TRPM8: variants seen among roughly 807,000 people sequenced by gnomAD.
The protein encoded by TRPM8 is transient receptor potential cation channel subfamily M member 8.
Under a neutral mutation model 133.7 loss-of-function variants are expected in TRPM8, and 110 were observed. The ratio of observed to expected loss-of-function variants is 0.82; its 90% CI spans 0.70 to 0.96. The LOEUF is 0.96. TRPM8 is among the 40% of genes least tolerant of loss of function. TRPM8 has a pLI of 0.00. For synonymous variants in TRPM8, 535 were observed against 532.3 expected (o/e 1.01, Z -0.07); for missense variants, 1,291 against 1,379.5 (o/e 0.94, Z 1.02).
intron 21 of TRPM8, among the ~76,000 whole-genome samples, chr2:233,990,530 T>C (rs1017426917): frequency 8.6e-5 from 13 of 152,046 alleles, no homozygotes; most frequent in Admixed American, 5.2e-4. Flanking sequence ...TACATGCTAG[T>C]ACATCCATCG....
chr2:233,981,436 G>T (rs1692005972), intron 18 of TRPM8, among the ~76,000 whole-genome samples: 1 of 152,154 alleles, frequency 6.6e-6, no homozygotes, highest in Non-Finnish European at 1.5e-5. Flanking sequence ...GCTGGGGGTT[G>T]GCATCGTTAT....
At chr2:233,957,368 A>C (rs2125157334) in intron 11 of TRPM8, among the ~76,000 whole-genome samples, 1 of 152,110 alleles carries the variant, frequency 6.6e-6, no homozygotes, top group East Asian at 1.9e-4. Flanking sequence ...ACATACCCGT[A>C]GTCCAGGCTA....
rs1013047660 is a variant in TRPM8 at position 234,018,295 on chromosome 2, G to A, written c.*1039G>A. 3 of 151,838 alleles carry A rather than the reference G, an allele frequency of 2.0e-5. No individual in the cohort carries two copies. The highest frequency in any genetic ancestry group is 2.4e-5 in the African/African-American group (1 of 41,382). The allele number at this position is 151,838 out of a possible 1,614,324, so 9.4% of individuals were successfully genotyped here. The stretch of plus-strand genomic sequence containing the variant: ...AATTGCATAATAGGCAACCTCTAGC[G>A]ATTACCATAATTTTGCTCATTGAAG... On this transcript the variant is annotated 3_prime_UTR_variant, in exon 26 of 26. Coordinates refer to ENST00000324695, the MANE Select transcript of TRPM8 (RefSeq NM_024080.5).
In TRPM8 at chr2:233,930,739, C is replaced by A; in HGVS notation, c.189C>A (p.Ala63=). ...ECVFFTKDSK[A]TENVCKCGYA... ...TCTTCTTTACCAAAGATTCCAAGGC[C>A]ACGTAAGCTACTATTTTCCCTCCAG... The change falls in exon 3 of 26, where the codon GCC becomes GCA. Residue 63 remains alanine, a splice_region_variant and synonymous_variant. Transcript: ENST00000324695. 1 of 1,601,886 alleles carries A rather than the reference C, an allele frequency of 6.2e-7. No individual in the cohort carries two copies. The highest frequency in any genetic ancestry group is 1.1e-5 in the South Asian group (1 of 89,098).
At chr2:233,996,912 A>G (rs1193286929) in intron 22 of TRPM8, among the ~76,000 whole-genome samples, 1 of 152,224 alleles carries the variant, frequency 6.6e-6, no homozygotes, top group Non-Finnish European at 1.5e-5. Flanking sequence ...GACTCTTCTT[A>G]GGAGAATAGA....
intron 10 of TRPM8, among the ~76,000 whole-genome samples, chr2:233,954,538 T>C (rs960480171): frequency 6.6e-6 from 1 of 152,216 alleles, no homozygotes; most frequent in African/African-American, 2.4e-5. Flanking sequence ...CCATAGTAAA[T>C]AGATCCTTGG....
Position 233,940,628 on chromosome 2 carries a change from T to C in TRPM8, c.526+1453T>C, listed in dbSNP as rs144689428. On this transcript the variant is annotated intron_variant, in intron 5 of 25. Transcript: ENST00000324695. ...AGTTTCATTGTTGCTAGTTGTCCAC[T>C]TGGAGTGCTACCTTCACTTCCCATT... is the stretch of plus-strand genomic sequence containing the variant. Among the ~76,000 whole-genome samples, 7 of 152,336 alleles carry C rather than the reference T, an allele frequency of 4.6e-5. No homozygotes were observed. In the South Asian group the frequency reaches 8.3e-4, roughly 18 times the overall value.
At chr2:233,963,883 T>C (rs936364690) in intron 13 of TRPM8, among the ~76,000 whole-genome samples, 2 of 152,202 alleles carry the variant, frequency 1.3e-5, no homozygotes, top group South Asian at 4.1e-4. Context: ...TCAGGTCTTC[T>C]GTGTTCTTAC....
At chr2:234,016,877 C>T (rs11563199) in intron 25 of TRPM8, among the ~76,000 whole-genome samples, 22,777 of 152,098 alleles carry the variant, frequency 0.15, 1,936 homozygotes, top group Admixed American at 0.22. Context: ...GCTGCACTTA[C>T]GTTCTAGTTC....
intron 3 of TRPM8, among the ~76,000 whole-genome samples, chr2:233,931,954 A>G (rs1691687719): frequency 6.6e-6 from 1 of 152,236 alleles, no homozygotes; most frequent in South Asian, 2.1e-4. Flanking sequence ...ACCCATGGTC[A>G]CATGTGCAGT....
At chr2:233,920,212 C>A (rs1691380932) in intron 1 of TRPM8, among the ~76,000 whole-genome samples, 1 of 152,184 alleles carries the variant, frequency 6.6e-6, no homozygotes, top group Admixed American at 6.5e-5. Flanking sequence ...ACTGCCATCT[C>A]TCCTGATAGG....
chr2:233,960,905 T>A lies in TRPM8; in HGVS notation c.1492T>A (p.Ser498Thr). The change falls in exon 12 of 26, where the codon TCC (serine) becomes ACC (threonine). Residue 498 changes from serine (S) to threonine (T), a missense_variant. By Grantham distance (58) the Ser-to-Thr change is moderately conservative. Coordinates refer to ENST00000324695, the MANE Select transcript of TRPM8 (RefSeq NM_024080.5). ...CCATGATGTCCTCACTGAACTCTTC[T>A]CCAACCACTTCAGCACGCTTGTGTA... is the stretch of plus-strand genomic sequence containing the variant. ...LTHDVLTELF[S>T]NHFSTLVYRN... 6.2e-7 allele frequency: 1 copy of A among 1,614,186 alleles called. No homozygotes were observed. The highest frequency in any genetic ancestry group is 2.2e-5 in the East Asian group (1 of 44,870).
At chr2:233,982,843 A>T (rs540664877) in intron 19 of TRPM8, among the ~76,000 whole-genome samples, 1 of 152,258 alleles carries the variant, frequency 6.6e-6, no homozygotes, top group African/African-American at 2.4e-5. Context: ...AATGCATCAA[A>T]CCGGTTTTAA....
chr2:233,996,599 A>C, intron 22 of TRPM8, 83 bp downstream of exon 22: 1 of 1,264,404 alleles, frequency 7.9e-7, no homozygotes, highest in Non-Finnish European at 1.1e-6. Flanking sequence ...TCTCAACAGG[A>C]AGGAATTATT....
At chr2:233,953,022 A>C (rs1691205918) in intron 9 of TRPM8, among the ~76,000 whole-genome samples, 1 of 150,898 alleles carries the variant, frequency 6.6e-6, no homozygotes, top group Admixed American at 6.6e-5. Flanking sequence ...ATCCCCACCC[A>C]CCCTCTCCTT....
chr2:234,011,175 G>A (rs1692827822), intron 24 of TRPM8, among the ~76,000 whole-genome samples: 1 of 152,150 alleles, frequency 6.6e-6, no homozygotes, highest in African/African-American at 2.4e-5. Flanking sequence ...GGGGTCCAAT[G>A]TTATTCTTTT....
Position 233,966,882 on chromosome 2 carries a change from GT to G in TRPM8, c.2025+130del, listed in dbSNP as rs375831806. ...CAATATAAAAGCCATAGAAGGAGTG[GT>G]TTGGTGATGATGTGGGAGATGGCCA... On this transcript the variant is annotated intron_variant, in intron 15 of 25. Coordinates refer to ENST00000324695, the MANE Select transcript of TRPM8 (RefSeq NM_024080.5). The G allele has an allele frequency of 5.8e-5, 73 of 1,253,030 alleles. No homozygotes were observed. In the East Asian group the frequency reaches 1.7e-3, roughly 29 times the overall value. 77.6% of individuals were successfully genotyped at this position (1,253,030 alleles called of 1,614,324 possible). A position where few individuals can be genotyped will look rare whatever the true frequency, so the allele number is the denominator to read the frequency against.
rs376341998 is a variant in TRPM8, at chr2:233,969,568, A to G, written c.2026-127A>G. ...GAATCCAGGCAACTGGTATAAAAGA[A>G]TAATGACATTAATTCAAAGAGCTGT... On this transcript the variant is annotated intron_variant, in intron 15 of 25. Coordinates refer to ENST00000324695, the MANE Select transcript of TRPM8 (RefSeq NM_024080.5). The G allele has an allele frequency of 1.2e-5, 8 of 660,666 alleles. No individual in the cohort carries two copies. The East Asian group carries it at 1.8e-4, about 15-fold the overall frequency. 40.9% of individuals were successfully genotyped at this position (660,666 alleles called of 1,614,324 possible). A position where few individuals can be genotyped will look rare whatever the true frequency, so the allele number is the denominator to read the frequency against.
chr2:233,922,699 A>G (rs569618662), intron 1 of TRPM8, among the ~76,000 whole-genome samples: 1 of 152,150 alleles, frequency 6.6e-6, no homozygotes, highest in East Asian at 1.9e-4. Context: ...TCACAGCTGA[A>G]TTGACTCAGG....
Sources: allele counts gnomAD v4.1 joint callset (sites outside exome capture counted in the v4.1 genomes callset), GRCh38; gene constraint gnomAD v4.1.1; transcripts MANE v1.5; gene names NCBI Gene and HGNC (gene_info 2026-07-23, HGNC 2026-07-21).